ZDHHC11B: variants seen among roughly 807,000 people sequenced by gnomAD.
ZDHHC11B encodes probable palmitoyltransferase ZDHHC11B.
ZDHHC11B carries 17 observed loss-of-function variants against 42.3 expected under a neutral mutation model. The observed-to-expected ratio is 0.40, with a 90% confidence interval of 0.27 to 0.60. The LOEUF (loss-of-function observed/expected upper bound fraction) is 0.60, where lower values mean the gene tolerates loss of function less well. ZDHHC11B is among the 20% of genes least tolerant of loss of function. The pLI is 0.41. For missense variants in ZDHHC11B, 262 were observed against 463.2 expected (o/e 0.57, Z 3.99); for synonymous variants, 123 against 193.5 (o/e 0.64, Z 3.02).
At chr5:760,119 T>C (rs1266670364) in intron 4 of ZDHHC11B, among the ~76,000 whole-genome samples, 1 of 151,402 alleles carries the variant, frequency 6.6e-6, no homozygotes, top group Non-Finnish European at 1.5e-5. Flanking sequence ...AGGTGACAGC[T>C]CAGAGGCACG....
intron 1 of ZDHHC11B, among the ~76,000 whole-genome samples, chr5:776,742 C>A (rs530899907): frequency 6.6e-6 from 1 of 152,110 alleles, no homozygotes; most frequent in East Asian, 1.9e-4. Flanking sequence ...GACCTGGGAG[C>A]CCTGCCCTCC....
chr5:741,260 A>C (rs1271664722), intron 10 of ZDHHC11B, among the ~76,000 whole-genome samples: 1 of 145,686 alleles, frequency 6.9e-6, no homozygotes, highest in African/African-American at 2.5e-5. Flanking sequence ...ATTAGAGATC[A>C]TAAGAAATAC....
intron 8 of ZDHHC11B, among the ~76,000 whole-genome samples, chr5:745,859 A>G (rs1310165055): frequency 6.7e-6 from 1 of 149,740 alleles, no homozygotes; most frequent in African/African-American, 2.4e-5. Context: ...CTGGGACCAC[A>G]CACTCCTGAG....
intron 10 of ZDHHC11B, among the ~76,000 whole-genome samples, chr5:740,291 A>G (rs1744026553): frequency 1.0e-5 from 1 of 98,238 alleles, no homozygotes; most frequent in Admixed American, 1.2e-4. Context: ...AAAAATAAAA[A>G]TTATAACTAG....
Position 721,632 on chromosome 5 carries a change from C to A in ZDHHC11B, c.1059-4767G>T, listed in dbSNP as rs1422610984. 1.3e-5 allele frequency among the ~76,000 whole-genome samples: 2 copies of A among 151,670 alleles called. 1 individual carries two copies. Among genetic ancestry groups the A allele is most frequent in the East Asian group, 3.9e-4 (2 of 5,158 alleles). ...GTCCATATATGGAACATGTTGCTGA[C>A]CCCACACAGCAAGCAGCTAGCCTCT... is the stretch of plus-strand genomic sequence containing the variant. On this transcript the variant is annotated intron_variant, in intron 12 of 13. Transcript: ENST00000508859.
intron 4 of ZDHHC11B, among the ~76,000 whole-genome samples, chr5:760,639 G>A (rs1437774251): frequency 6.6e-6 from 1 of 151,870 alleles, no homozygotes; most frequent in Admixed American, 6.6e-5. Context: ...AAGCAGCAGG[G>A]GAGGGCACCT....
At chr5:746,364 T>A (rs574054610) in intron 8 of ZDHHC11B, among the ~76,000 whole-genome samples, 1 of 146,256 alleles carries the variant, frequency 6.8e-6, no homozygotes, top group African/African-American at 2.5e-5. Context: ...TCCTGTGAGG[T>A]AGAGAAGAAG....
At chr5:765,696 G>A (rs1488037348) in intron 4 of ZDHHC11B, among the ~76,000 whole-genome samples, 2 of 152,010 alleles carry the variant, frequency 1.3e-5, no homozygotes, top group Admixed American at 6.6e-5. Context: ...CTGCCTTTAT[G>A]AGCTCTAACA....
chr5:730,577 G>C (rs1742946756), intron 11 of ZDHHC11B, 109 bp from the exon 12 acceptor site: 1 of 1,175,532 alleles, frequency 8.5e-7, no homozygotes, highest in Admixed American at 3.5e-5. Context: ...CTGAGTAATG[G>C]TACTTCAAGA....
chr5:717,976 A>C (rs1490577728), intron 12 of ZDHHC11B, among the ~76,000 whole-genome samples: 1 of 151,894 alleles, frequency 6.6e-6, no homozygotes, highest in East Asian at 1.9e-4. Context: ...AGACACAGAG[A>C]AGTGCAAGGA....
chr5:750,677 C>T (rs1745494891), intron 7 of ZDHHC11B, among the ~76,000 whole-genome samples: 2 of 124,534 alleles, frequency 1.6e-5, no homozygotes, highest in South Asian at 3.4e-4. Context: ...GGCTCCGGGC[C>T]CACTTGGCCA....
intron 1 of ZDHHC11B, among the ~76,000 whole-genome samples, chr5:784,241 A>G (rs1737087370): frequency 6.6e-6 from 1 of 151,484 alleles, no homozygotes; most frequent in South Asian, 2.1e-4. Context: ...TCCACGCCCT[A>G]ATTTCCCACG....
chr5:721,575 T>C (rs1265465704), intron 12 of ZDHHC11B, among the ~76,000 whole-genome samples: 1 of 151,344 alleles, frequency 6.6e-6, no homozygotes, highest in Non-Finnish European at 1.5e-5. Context: ...GGGGGTGGGA[T>C]GTGAGGTTAA....
chr5:759,885 C>T lies in ZDHHC11B; in HGVS notation c.223-3741G>A, dbSNP rs544507032. Among the ~76,000 whole-genome samples the T allele has an allele frequency of 2.1e-4, 32 of 151,990 alleles. 1 individual carries two copies. Among genetic ancestry groups the T allele is most frequent in the Admixed American group, 1.2e-3 (18 of 15,248 alleles). ...CCGGATAGCACAGGCACCCTCCAGCCGCCACAATGCAAAGCCACATGCTGC... is the reference window on the plus strand; with the variant it reads ...CCGGATAGCACAGGCACCCTCCAGCTGCCACAATGCAAAGCCACATGCTGC... On this transcript the variant is annotated intron_variant, in intron 4 of 13. Coordinates refer to ENST00000508859, the MANE Select transcript of ZDHHC11B (RefSeq NM_001351303.2).
chr5:770,038 A>C (rs392698), intron 1 of ZDHHC11B, among the ~76,000 whole-genome samples: 1 of 151,238 alleles, frequency 6.6e-6, no homozygotes, highest in East Asian at 1.9e-4. Context: ...TTGGCTGCCC[A>C]GTCCTTCGAG....
At chr5:757,352 T>A (rs1697954) in intron 4 of ZDHHC11B, among the ~76,000 whole-genome samples, 1 of 151,632 alleles carries the variant, frequency 6.6e-6, no homozygotes, top group Middle Eastern at 3.4e-3. Context: ...AAAAGCCACG[T>A]AGGGATTTTA....
At chr5:753,704 G>T (rs1048318491) in intron 6 of ZDHHC11B, among the ~76,000 whole-genome samples, 1 of 148,514 alleles carries the variant, frequency 6.7e-6, no homozygotes, top group Non-Finnish European at 1.5e-5. Flanking sequence ...ACCATCTCAC[G>T]CAGCCTCTGG....
intron 1 of ZDHHC11B, among the ~76,000 whole-genome samples, chr5:780,706 G>A (rs1196046257): frequency 2.7e-5 from 4 of 148,764 alleles, no homozygotes; most frequent in Admixed American, 2.0e-4. Context: ...CTGGGGACAC[G>A]TGGGCACTGG....
Position 743,911 on chromosome 5 carries a change from G to A in ZDHHC11B, c.900+1272C>T, listed in dbSNP as rs1027812682. 2.7e-5 allele frequency among the ~76,000 whole-genome samples: 4 copies of A among 149,900 alleles called. 1 individual carries two copies. Among genetic ancestry groups the A allele is most frequent in the East Asian group, 4.1e-4 (2 of 4,916 alleles). On this transcript the variant is annotated intron_variant, in intron 9 of 13. Transcript: ENST00000508859. Reference sequence around the variant, plus strand: ...ACTGCAATGTCAGAAGTAGGAGGAAGTGGTGTCATCACCTGTGCCGAACCT... The same window carrying A: ...ACTGCAATGTCAGAAGTAGGAGGAAATGGTGTCATCACCTGTGCCGAACCT...
Sources: allele counts gnomAD v4.1 joint callset (sites outside exome capture counted in the v4.1 genomes callset), GRCh38; gene constraint gnomAD v4.1.1; transcripts MANE v1.5; gene names NCBI Gene and HGNC (gene_info 2026-07-23, HGNC 2026-07-21).